The following ROBO2 variants were observed in gnomAD, a reference collection of about 807,000 sequenced individuals.
ROBO2 encodes the protein roundabout homolog 2.
Under a neutral mutation model 160.8 loss-of-function variants are expected in ROBO2, and 53 were observed. That is an observed-to-expected ratio of 0.33 (90% confidence interval 0.26 to 0.41). The LOEUF (loss-of-function observed/expected upper bound fraction) is 0.41. ROBO2 is among the 10% of genes least tolerant of loss of function. The probability of loss-of-function intolerance (pLI) is 1.00; values close to 1 mark genes in which losing one functional copy is unlikely to be tolerated. For synonymous variants in ROBO2, 664 were observed against 611.7 expected (o/e 1.09, Z -1.26); for missense variants, 1,577 against 1,722.4 (o/e 0.92, Z 1.49).
At chr3:75,914,993 GA>G (rs1946750777) in intron 1 of ROBO2, among the ~76,000 whole-genome samples, 1 of 152,182 alleles carries the variant, frequency 6.6e-6, no homozygotes, top group African/African-American at 2.4e-5. Flanking sequence ...TTTGACTGTG[GA>G]AACAAGTGTG....
chr3:76,910,734 A>G (rs2075934145), intron 2 of ROBO2, among the ~76,000 whole-genome samples: 2 of 148,252 alleles, frequency 1.3e-5, no homozygotes, highest in African/African-American at 5.0e-5. Context: ...TCAAAAAAAA[A>G]AAAAAAAAAA....
Position 76,466,706 on chromosome 3 carries a change from G to A in ROBO2, c.109+529104G>A, listed in dbSNP as rs376296257. On this transcript the variant is annotated intron_variant, in intron 2 of 26. Transcript: ENST00000487694. ...TTTCAGCATGTTTCATTTTGAGAATGTGTGTCTTAGATACATAGGTTATAT... is the reference window on the plus strand; with the variant it reads ...TTTCAGCATGTTTCATTTTGAGAATATGTGTCTTAGATACATAGGTTATAT... Among the ~76,000 whole-genome samples, 19 of 151,912 alleles carry A rather than the reference G, an allele frequency of 1.3e-4. 1 individual carries two copies. The highest frequency in any genetic ancestry group is 3.2e-3 in the Middle Eastern group (1 of 316).
chr3:76,848,681 C>G (rs765921408), intron 2 of ROBO2, among the ~76,000 whole-genome samples: 1 of 152,212 alleles, frequency 6.6e-6, no homozygotes, highest in Non-Finnish European at 1.5e-5. Flanking sequence ...CACCTCCTTG[C>G]TGTGTCTTCA....
At position 76,404,670 on chromosome 3, in the gene ROBO2, G is replaced by A. The variant is rs1348866877; in HGVS notation, c.109+467068G>A. Among the ~76,000 whole-genome samples, 9 of 151,406 alleles carry A rather than the reference G, an allele frequency of 5.9e-5. No individual in the cohort carries two copies. In the South Asian group the frequency reaches 1.7e-3, roughly 28 times the overall value. The stretch of plus-strand genomic sequence containing the variant: ...AGGGAATGTAAAAAATGAGAGACTC[G>A]AAGTTGCTTAGAGGTAGATAAAGAA... On this transcript the variant is annotated intron_variant, in intron 2 of 26. Transcript: ENST00000487694.
intron 2 of ROBO2, among the ~76,000 whole-genome samples, chr3:76,159,985 G>A (rs2072557838): frequency 6.6e-6 from 1 of 152,138 alleles, no homozygotes; most frequent in African/African-American, 2.4e-5. Flanking sequence ...TGAAAGGAAT[G>A]AGCCAGGAAC....
intron 2 of ROBO2, among the ~76,000 whole-genome samples, chr3:77,426,678 CAGGAAGGAAGGAAGGAAGGA>C (rs142467400): frequency 7.7e-4 from 92 of 119,966 alleles, no homozygotes; most frequent in African/African-American, 2.6e-3. Context: ...ATCATTTGGT[CAGGAAGGAAGGAAGGAAGGA>C]AGGAAGGAAG....
chr3:77,400,172 A>G (rs767392596), intron 2 of ROBO2, among the ~76,000 whole-genome samples: 1 of 152,128 alleles, frequency 6.6e-6, no homozygotes, highest in Non-Finnish European at 1.5e-5. Flanking sequence ...AATTTTCCTT[A>G]TTTCTGGCCC....
At chr3:76,384,162 G>T (rs1385882162) in intron 2 of ROBO2, among the ~76,000 whole-genome samples, 4 of 152,196 alleles carry the variant, frequency 2.6e-5, no homozygotes, top group African/African-American at 9.7e-5. Flanking sequence ...TGAATGAGTT[G>T]CACTGATACA....
chr3:76,998,636 T>C (rs1334375142), intron 2 of ROBO2, among the ~76,000 whole-genome samples: 1 of 152,164 alleles, frequency 6.6e-6, no homozygotes, highest in Non-Finnish European at 1.5e-5. Context: ...GGTATTTCCT[T>C]TTAGGGAAAA....
At chr3:76,603,354 ATATATATAT>A (rs2087378251) in intron 2 of ROBO2, among the ~76,000 whole-genome samples, 1 of 66,878 alleles carries the variant, frequency 1.5e-5, no homozygotes, top group African/African-American at 5.4e-5. Flanking sequence ...AAAAAAAAAT[ATATATATAT>A]ATATATATAT....
At chr3:76,260,775 A>G (rs1419358431) in intron 2 of ROBO2, among the ~76,000 whole-genome samples, 1 of 152,156 alleles carries the variant, frequency 6.6e-6, no homozygotes, top group Non-Finnish European at 1.5e-5. Context: ...AAATGAATTT[A>G]CCATCACACA....
intron 2 of ROBO2, among the ~76,000 whole-genome samples, chr3:77,434,486 G>T (rs2079092307): frequency 6.6e-6 from 1 of 152,068 alleles, no homozygotes; most frequent in Non-Finnish European, 1.5e-5. Context: ...ATTACTGAAA[G>T]AATTAATGTG....
intron 5 of ROBO2, among the ~76,000 whole-genome samples, chr3:77,500,648 A>T (rs1162650063): frequency 6.6e-6 from 1 of 152,232 alleles, no homozygotes; most frequent in African/African-American, 2.4e-5. Context: ...ACCTTCTTGG[A>T]AACTGAAGAT....
At chr3:77,497,041 C>G (rs114892839) in intron 5 of ROBO2, among the ~76,000 whole-genome samples, 1,955 of 152,146 alleles carry the variant, frequency 0.013, 38 homozygotes, top group African/African-American at 0.043. Context: ...GCAAGTCTAA[C>G]AATAACCCTT....
chr3:76,966,780 G>A (rs1301902219), intron 2 of ROBO2, among the ~76,000 whole-genome samples: 1 of 152,164 alleles, frequency 6.6e-6, no homozygotes, highest in Non-Finnish European at 1.5e-5. Context: ...GATAAAATAG[G>A]ATAAAATGCC....
intron 2 of ROBO2, among the ~76,000 whole-genome samples, chr3:77,210,876 A>G (rs1272850275): frequency 6.6e-6 from 1 of 152,076 alleles, no homozygotes; most frequent in Non-Finnish European, 1.5e-5. Context: ...ACTGAGAATG[A>G]TGATTTCCAG....
chr3:77,379,368 T>C (rs2073137743), intron 2 of ROBO2, among the ~76,000 whole-genome samples: 1 of 152,176 alleles, frequency 6.6e-6, no homozygotes, highest in South Asian at 2.1e-4. Flanking sequence ...GTATGTTACA[T>C]GCTATCTGAC....
At chr3:76,041,466 T>C (rs1319464011) in intron 2 of ROBO2, among the ~76,000 whole-genome samples, 3 of 152,036 alleles carry the variant, frequency 2.0e-5, no homozygotes, top group Non-Finnish European at 4.4e-5. Context: ...ATCACAGAAC[T>C]CTGCCCTCCC....
chr3:77,463,603 C>T (rs2082463773), intron 2 of ROBO2, among the ~76,000 whole-genome samples: 1 of 151,922 alleles, frequency 6.6e-6, no homozygotes, highest in Non-Finnish European at 1.5e-5. Flanking sequence ...TTTCTTGAGA[C>T]AGAGTATCAC....
Sources: gnomAD v4.1 joint callset for allele counts (sites outside exome capture counted in the v4.1 genomes callset) on GRCh38, gnomAD v4.1.1 for gene constraint, MANE v1.5 for transcripts, NCBI Gene and HGNC (gene_info 2026-07-23, HGNC 2026-07-21) for gene names.